Variants in CHODL observed in about 807,000 individuals in gnomAD.
The protein encoded by CHODL is chondrolectin.
CHODL carries 29 observed loss-of-function variants against 34.5 expected under a neutral mutation model. That is an observed-to-expected ratio of 0.84 (90% CI 0.63 to 1.15). The LOEUF is 1.15. CHODL is among the 50% of genes most tolerant of loss of function. The probability of loss-of-function intolerance (pLI) is 0.00; values close to 1 mark genes in which losing one functional copy is unlikely to be tolerated. For missense variants in CHODL, 332 were observed against 332.5 expected (o/e 1.00, Z 0.01); for synonymous variants, 125 against 116.1 (o/e 1.08, Z -0.49).
intron 2 of CHODL, among the ~76,000 whole-genome samples, chr21:18,068,341 C>T (rs1277682222): frequency 2.0e-5 from 3 of 151,678 alleles, no homozygotes; most frequent in Non-Finnish European, 4.4e-5. Flanking sequence ...GGTTTACAGG[C>T]ACCCGCCACT....
intron 2 of CHODL, among the ~76,000 whole-genome samples, chr21:18,191,392 C>T (rs2073508700): frequency 6.6e-6 from 1 of 152,160 alleles, no homozygotes; most frequent in Non-Finnish European, 1.5e-5. Flanking sequence ...ACACACTTTT[C>T]CTCATATGAA....
At chr21:18,238,105 G>T (rs1015159800) in intron 2 of CHODL, among the ~76,000 whole-genome samples, 1 of 152,044 alleles carries the variant, frequency 6.6e-6, no homozygotes, top group Non-Finnish European at 1.5e-5. Context: ...CTTTATGATT[G>T]TCCTAAAGCT....
chr21:18,134,985 G>C (rs2072702758), intron 2 of CHODL, among the ~76,000 whole-genome samples: 1 of 152,168 alleles, frequency 6.6e-6, no homozygotes, highest in Admixed American at 6.5e-5. Flanking sequence ...GCCTGACTTT[G>C]ATCTTGCTCA....
At chr21:18,028,225 C>CT (rs2064198624) in intron 2 of CHODL, among the ~76,000 whole-genome samples, 2 of 106,640 alleles carry the variant, frequency 1.9e-5, no homozygotes, top group East Asian at 2.3e-4. Flanking sequence ...CTCCCCTCCC[C>CT]TCCCCTCCCC....
chr21:17,934,447 C>G (rs981194307), intron 1 of CHODL, among the ~76,000 whole-genome samples: 8 of 151,942 alleles, frequency 5.3e-5, no homozygotes, highest in Non-Finnish European at 7.4e-5. Context: ...CTCTCTCTCT[C>G]CCTATTAGTA....
chr21:17,951,551 AC>A (rs142171619), intron 1 of CHODL, among the ~76,000 whole-genome samples: 37,014 of 152,152 alleles, frequency 0.24, 5,171 homozygotes, highest in South Asian at 0.4. Context: ...CACACAATCC[AC>A]ATGTTAGATT....
At chr21:17,965,588 G>A (rs943333230) in intron 1 of CHODL, among the ~76,000 whole-genome samples, 7 of 152,002 alleles carry the variant, frequency 4.6e-5, no homozygotes, top group Non-Finnish European at 8.8e-5. Context: ...CTGTAAGCAC[G>A]TGTTTATACT....
chr21:18,198,008 G>A (rs78465640), intron 2 of CHODL, among the ~76,000 whole-genome samples: 4,765 of 152,276 alleles, frequency 0.031, 247 homozygotes, highest in African/African-American at 0.11. Flanking sequence ...CCATCACAAA[G>A]CATTTAGTTA....
At chr21:18,096,708 A>G (rs2065144032) in intron 2 of CHODL, among the ~76,000 whole-genome samples, 1 of 152,068 alleles carries the variant, frequency 6.6e-6, no homozygotes, top group Non-Finnish European at 1.5e-5. Flanking sequence ...GGGACATGAA[A>G]CCTCATCAGT....
Position 17,991,542 on chromosome 21 carries a change from T to G in CHODL, c.-144-36330T>G, listed in dbSNP as rs554189685. Among the ~76,000 whole-genome samples, 26 of 152,272 alleles carry G rather than the reference T, an allele frequency of 1.7e-4. No individual in the cohort carries two copies. The South Asian group carries it at 5.0e-3, about 29-fold the overall frequency. ...ATTTCATTGTGGCTTTTATTTGTATTCCTCTAATGATTAGTGATTTTGAGC... is the reference window on the plus strand; with the variant it reads ...ATTTCATTGTGGCTTTTATTTGTATGCCTCTAATGATTAGTGATTTTGAGC... On this transcript the variant is annotated intron_variant, in intron 1 of 6. Transcript: ENST00000400127.
chr21:18,112,192 A>G (rs1334651300), intron 2 of CHODL, among the ~76,000 whole-genome samples: 1 of 152,170 alleles, frequency 6.6e-6, no homozygotes, highest in Non-Finnish European at 1.5e-5. Flanking sequence ...ATTGGCATGA[A>G]TAACAGTTGT....
At chr21:18,193,304 A>G (rs1422581327) in intron 2 of CHODL, among the ~76,000 whole-genome samples, 1 of 152,176 alleles carries the variant, frequency 6.6e-6, no homozygotes, top group East Asian at 1.9e-4. Context: ...ATGTTTTTTA[A>G]GGGTTCTTCC....
intron 2 of CHODL, among the ~76,000 whole-genome samples, chr21:18,113,741 G>A (rs1046297652): frequency 6.6e-6 from 1 of 152,050 alleles, no homozygotes; most frequent in Non-Finnish European, 1.5e-5. Flanking sequence ...ATTTGGGTGG[G>A]GACACAAATC....
intron 1 of CHODL, among the ~76,000 whole-genome samples, chr21:18,255,490 T>A (rs190929185): frequency 8.1e-4 from 124 of 152,214 alleles, no homozygotes; most frequent in African/African-American, 2.9e-3. Context: ...TTTTCAAGTC[T>A]GCTAAATGTT....
intron 2 of CHODL, among the ~76,000 whole-genome samples, chr21:18,145,031 A>T: frequency 1.3e-5 from 1 of 74,898 alleles, no homozygotes; most frequent in Non-Finnish European, 4.3e-5. Flanking sequence ...AATCTAGAAT[A>T]TTAATCTTTA....
intron 2 of CHODL, among the ~76,000 whole-genome samples, chr21:18,094,871 C>T (rs191453615): frequency 2.0e-5 from 3 of 152,116 alleles, no homozygotes; most frequent in Non-Finnish European, 4.4e-5. Context: ...CTCCTCTAAT[C>T]CCAGCACTTT....
intron 2 of CHODL, among the ~76,000 whole-genome samples, chr21:18,046,251 G>A (rs544079773): frequency 1.5e-3 from 227 of 151,968 alleles, no homozygotes; most frequent in African/African-American, 5.1e-3. Context: ...CATGGGAAGC[G>A]GTTAATGGAT....
intron 1 of CHODL, among the ~76,000 whole-genome samples, chr21:17,945,190 C>T (rs994875758): frequency 3.0e-5 from 4 of 134,882 alleles, no homozygotes; most frequent in African/African-American, 5.7e-5. Context: ...CCAGCCTGGG[C>T]AATGGAGCGA....
intron 2 of CHODL, among the ~76,000 whole-genome samples, chr21:18,200,717 A>G (rs1601139955): frequency 6.6e-6 from 1 of 152,302 alleles, no homozygotes; most frequent in African/African-American, 2.4e-5. Flanking sequence ...CCTGGAAACT[A>G]TGAATGTGAT....
Sources: gnomAD v4.1 joint callset for allele counts (sites outside exome capture counted in the v4.1 genomes callset) on GRCh38, gnomAD v4.1.1 for gene constraint, MANE v1.5 for transcripts, NCBI Gene and HGNC (gene_info 2026-07-23, HGNC 2026-07-21) for gene names.